Variants in GRIN2B observed in about 807,000 individuals in gnomAD.
The protein encoded by GRIN2B is glutamate ionotropic receptor NMDA type subunit 2B.
GRIN2B carries 5 observed loss-of-function variants against 114.5 expected under a neutral mutation model. The ratio of observed to expected loss-of-function variants is 0.04; its 90% CI spans 0.02 to 0.09. The LOEUF is 0.09. Among genes scored for constraint, GRIN2B ranks in the 10% least tolerant of loss-of-function variants. The pLI, the probability that GRIN2B is intolerant of heterozygous loss-of-function variation, is 1.00. For missense variants in GRIN2B, 1,108 were observed against 1,943.5 expected, an observed-to-expected ratio of 0.57 and a Z score of 8.08; for synonymous variants, 787 against 745.1, an observed-to-expected ratio of 1.06 and a Z score of -0.92.
chr12:13,818,897 T>C (rs1864879607), intron 3 of GRIN2B, among the ~76,000 whole-genome samples: 1 of 152,242 alleles, frequency 6.6e-6, no homozygotes, highest in South Asian at 2.1e-4. Context: ...GCCCTGCCCA[T>C]GAAGAGAGAG....
At chr12:13,959,573 C>A (rs1167462783) in intron 2 of GRIN2B, among the ~76,000 whole-genome samples, 1 of 151,956 alleles carries the variant, frequency 6.6e-6, no homozygotes, top group Non-Finnish European at 1.5e-5. Flanking sequence ...AATGAGGATC[C>A]AAGGAAACCA....
At chr12:13,791,313 G>A (rs1864316111) in intron 3 of GRIN2B, among the ~76,000 whole-genome samples, 1 of 151,954 alleles carries the variant, frequency 6.6e-6, no homozygotes, top group Admixed American at 6.6e-5. Context: ...TTAACTGGGT[G>A]TGGTGGCGGG....
At chr12:13,683,429 G>A (rs1475627551) in intron 4 of GRIN2B, 1 of 152,116 alleles carries the variant, frequency 6.6e-6, no homozygotes, top group Non-Finnish European at 1.5e-5. Flanking sequence ...TTCTGAAGCT[G>A]TGTGGTCTTG....
chr12:13,840,734 T>G (rs960187241), intron 3 of GRIN2B, among the ~76,000 whole-genome samples: 15 of 152,198 alleles, frequency 9.9e-5, no homozygotes, highest in African/African-American at 3.6e-4. Context: ...CTTTATTGAT[T>G]GGTTCCAAAA....
At chr12:13,903,367 T>A (rs1004863741) in intron 2 of GRIN2B, among the ~76,000 whole-genome samples, 2 of 152,134 alleles carry the variant, frequency 1.3e-5, no homozygotes, top group African/African-American at 4.8e-5. Flanking sequence ...ATAAAGACCA[T>A]AAATTTCTGT....
At chr12:13,640,609 A>T (rs1417305001) in intron 5 of GRIN2B, among the ~76,000 whole-genome samples, 1 of 152,202 alleles carries the variant, frequency 6.6e-6, no homozygotes, top group East Asian at 1.9e-4. Flanking sequence ...ATAACTAGAC[A>T]TTACAGAATG....
Position 13,558,057 on chromosome 12 carries a change from T to C in GRIN2B, c.*4726A>G, listed in dbSNP as rs1948495657. On this transcript the variant is annotated 3_prime_UTR_variant, in exon 14 of 14. Coordinates refer to ENST00000609686, the MANE Select transcript of GRIN2B (RefSeq NM_000834.5). ...ACATAAGGCCAGACCCATCCCAGTGTGACTATTCACTTTCAGCTGCTTCTC... is the reference window on the plus strand; with the variant it reads ...ACATAAGGCCAGACCCATCCCAGTGCGACTATTCACTTTCAGCTGCTTCTC... The C allele has an allele frequency of 1.3e-5, 2 of 152,210 alleles. No homozygotes were observed. The highest frequency in any genetic ancestry group is 4.8e-5 in the African/African-American group (2 of 41,442). The allele number at this position is 152,210 out of a possible 1,614,324, so 9.4% of individuals were successfully genotyped here.
chr12:13,945,995 C>T (rs778749687), intron 2 of GRIN2B, among the ~76,000 whole-genome samples: 1 of 152,118 alleles, frequency 6.6e-6, no homozygotes, highest in Non-Finnish European at 1.5e-5. Flanking sequence ...GAAGTAGCAG[C>T]TCTGTGGGAA....
intron 5 of GRIN2B, among the ~76,000 whole-genome samples, chr12:13,648,604 T>G (rs1949785582): frequency 6.6e-6 from 1 of 151,956 alleles, no homozygotes; most frequent in Non-Finnish European, 1.5e-5. Flanking sequence ...ATGAAAGACC[T>G]TATTGCAGTT....
At position 13,753,515 on chromosome 12, in the gene GRIN2B, G is replaced by T. The variant is rs138098032; in HGVS notation, c.812C>A (p.Ala271Glu). The stretch of plus-strand genomic sequence containing the variant: ...AGAGATGAGCCCAGTGGGGAACTCC[G>T]CAGGCACTGTGTCTGTATCCCCTGC... Reference protein sequence around the residue: ...LVAGDTDTVPAEFPTGLISVS... With the variant: ...LVAGDTDTVPEEFPTGLISVS... Residue 271 changes from alanine (A) to glutamate (E), a missense_variant, in exon 4 of 14, where the codon GCG becomes GAG. Ala to Glu is a moderately radical substitution (Grantham distance 107, BLOSUM62 -1). Transcript: ENST00000609686. This position sits in a 1 kb window ranked among gnomAD's most constrained non-coding sequence, Gnocchi z 6.2. 3.7e-6 allele frequency: 6 copies of T among 1,613,980 alleles called. No homozygotes were observed. Among genetic ancestry groups the T allele is most frequent in the Non-Finnish European group, 5.1e-6 (6 of 1,180,016 alleles).
chr12:13,570,919 T>G (rs3026164), intron 11 of GRIN2B, among the ~76,000 whole-genome samples: 138,337 of 152,218 alleles, frequency 0.91, 64,374 homozygotes, highest in East Asian at 1. Flanking sequence ...AAAAACCAAA[T>G]CCCTGATATG....
chr12:13,603,913 T>C (rs1949201360), intron 10 of GRIN2B, among the ~76,000 whole-genome samples: 1 of 151,942 alleles, frequency 6.6e-6, no homozygotes, highest in African/African-American at 2.4e-5. Context: ...AGTCTCGGTG[T>C]TCCTATTTGT....
intron 10 of GRIN2B, 139 bp downstream of exon 10, chr12:13,608,464 C>A: frequency 1.4e-6 from 1 of 707,542 alleles, no homozygotes; most frequent in South Asian, 1.5e-5. Flanking sequence ...GACTTCTACT[C>A]CCATGTTCCA....
At chr12:13,895,844 G>A (rs936546631) in intron 2 of GRIN2B, among the ~76,000 whole-genome samples, 3 of 152,102 alleles carry the variant, frequency 2.0e-5, no homozygotes, top group Admixed American at 2.0e-4. Context: ...CTAATGAGGT[G>A]TGTGTTGGCT....
intron 3 of GRIN2B, among the ~76,000 whole-genome samples, chr12:13,817,319 G>C (rs1288741452): frequency 6.8e-6 from 1 of 146,374 alleles, no homozygotes; most frequent in East Asian, 1.9e-4. Flanking sequence ...AGCTGGGCTG[G>C]AGCAACGCCC....
At chr12:13,954,811 G>GAAAACAAAAAAAAAAAAAAAAAAAAAA (rs1867555989) in intron 2 of GRIN2B, among the ~76,000 whole-genome samples, 1 of 25,552 alleles carries the variant, frequency 3.9e-5, no homozygotes, top group Non-Finnish European at 1.0e-4. Context: ...TCCGTCTCAG[G>GAAAACAAAAAAAAAAAAAAAAAAAAAA]AAAAAAAAAA....
intron 3 of GRIN2B, among the ~76,000 whole-genome samples, chr12:13,815,731 C>A (rs1864810520): frequency 6.6e-6 from 1 of 152,142 alleles, no homozygotes; most frequent in Non-Finnish European, 1.5e-5. Context: ...GCTCATTATG[C>A]CTAACTTTGA....
chr12:13,852,186 C>A (rs959403150), intron 3 of GRIN2B, among the ~76,000 whole-genome samples: 2 of 152,200 alleles, frequency 1.3e-5, no homozygotes, highest in African/African-American at 4.8e-5. Flanking sequence ...CATTGTGCTA[C>A]CTTCCACTCT....
chr12:13,586,339 A>G (rs951186858), intron 10 of GRIN2B, among the ~76,000 whole-genome samples: 2 of 152,208 alleles, frequency 1.3e-5, no homozygotes, highest in African/African-American at 2.4e-5. Flanking sequence ...TTTCTTTGTT[A>G]TCATTATATC....
Sources: allele counts gnomAD v4.1 joint callset (sites outside exome capture counted in the v4.1 genomes callset), GRCh38; gene constraint gnomAD v4.1.1; non-coding constraint Gnocchi (gnomAD v3.1); transcripts MANE v1.5; gene names NCBI Gene and HGNC (gene_info 2026-07-23, HGNC 2026-07-21).